Variants in XYLT1 observed in about 807,000 individuals in gnomAD.
XYLT1 encodes beta-D-xylosyltransferase 1.
XYLT1 carries 36 observed loss-of-function variants against 91.3 expected under a neutral mutation model. The ratio of observed to expected loss-of-function variants is 0.39; its 90% CI spans 0.30 to 0.52. The LOEUF is 0.52. Among genes scored for constraint, XYLT1 ranks in the 20% least tolerant of loss-of-function variants. XYLT1 has a pLI of 0.68. For missense variants in XYLT1, 1,242 were observed against 1,284.5 expected (o/e 0.97, Z 0.51); for synonymous variants, 588 against 532.0 (o/e 1.11, Z -1.45).
chr16:17,233,280 C>T (rs2033195939), intron 3 of XYLT1, among the ~76,000 whole-genome samples: 1 of 152,130 alleles, frequency 6.6e-6, no homozygotes, highest in South Asian at 2.1e-4. Context: ...GGAGGTGGCA[C>T]CAGAAGACAA....
intron 3 of XYLT1, among the ~76,000 whole-genome samples, chr16:17,237,612 G>A (rs941882011): frequency 1.3e-5 from 2 of 152,216 alleles, no homozygotes; most frequent in Admixed American, 6.5e-5. Flanking sequence ...CCTGAGAGAC[G>A]CAGCGGTGTA....
intron 2 of XYLT1, among the ~76,000 whole-genome samples, chr16:17,260,629 G>A (rs1181923520): frequency 6.6e-6 from 1 of 152,166 alleles, no homozygotes; most frequent in African/African-American, 2.4e-5. Context: ...CCCTCAGCAA[G>A]GCTCCCACCC....
chr16:17,122,144 G>A (rs1052660622), intron 10 of XYLT1, among the ~76,000 whole-genome samples: 8 of 152,176 alleles, frequency 5.3e-5, no homozygotes, highest in Non-Finnish European at 1.2e-4. Flanking sequence ...TGGATCAAAT[G>A]GTAGAACTAC....
Position 17,287,240 on chromosome 16 carries a change from C to T in XYLT1, c.403-27742G>A, listed in dbSNP as rs534034997. 2.6e-5 allele frequency among the ~76,000 whole-genome samples: 4 copies of T among 152,202 alleles called. No individual in the cohort carries two copies. The East Asian group carries it at 5.8e-4, about 22-fold the overall frequency. The stretch of plus-strand genomic sequence containing the variant: ...AGATGCTCCATCACCCACTCAGACA[C>T]CACTCCCCCTCTTTTTTTTTAATCC... On this transcript the variant is annotated intron_variant, in intron 2 of 11. Coordinates refer to ENST00000261381, the MANE Select transcript of XYLT1 (RefSeq NM_022166.4).
chr16:17,232,235 TATATGTA>T (rs1057345841), intron 3 of XYLT1, among the ~76,000 whole-genome samples: 11 of 98,492 alleles, frequency 1.1e-4, no homozygotes, highest in African/African-American at 4.8e-4. Context: ...CATATTTGAT[TATATGTA>T]ATATATTATA....
chr16:17,468,802 T>A (rs144785676), intron 1 of XYLT1, among the ~76,000 whole-genome samples: 1 of 152,008 alleles, frequency 6.6e-6, no homozygotes, highest in Non-Finnish European at 1.5e-5. Flanking sequence ...TCCCCCACCA[T>A]GTCTCCCCTA....
At chr16:17,303,216 G>A (rs1282828214) in intron 2 of XYLT1, among the ~76,000 whole-genome samples, 4 of 152,190 alleles carry the variant, frequency 2.6e-5, no homozygotes, top group African/African-American at 9.7e-5. Context: ...TAGTTCAGGG[G>A]TTGGCAAACT....
chr16:17,302,208 ATAC>A (rs200286825), intron 2 of XYLT1, among the ~76,000 whole-genome samples: 34 of 151,722 alleles, frequency 2.2e-4, no homozygotes, highest in South Asian at 6.3e-4. Context: ...CGATCTCAAA[ATAC>A]TACTACTACT....
At chr16:17,336,927 T>C (rs868171825) in intron 2 of XYLT1, among the ~76,000 whole-genome samples, 1 of 152,314 alleles carries the variant, frequency 6.6e-6, no homozygotes. Context: ...ACCATTTTTT[T>C]AAAAGCCCTT....
In XYLT1 at chr16:17,454,682, A is replaced by G. The variant is rs1031274267; in HGVS notation, c.363+15752T>C. Among the ~76,000 whole-genome samples the G allele has an allele frequency of 7.2e-5, 11 of 152,050 alleles. No individual in the cohort carries two copies. In the East Asian group the frequency reaches 2.1e-3, roughly 29 times the overall value. On this transcript the variant is annotated intron_variant, in intron 1 of 11. Transcript: ENST00000261381. ...CACCTGAGTAGCTGGGATTACAGGC[A>G]TCAACCACCACACCCAGCTATTTTT...
At position 17,402,146 on chromosome 16, in the gene XYLT1, A is replaced by AAC. The variant is rs200539915; in HGVS notation, c.364-44098_364-44097dup. ...AAGCCCTGTTTCTACAAAAAAAAAA[A>AAC]ACACACACACACACACACAAAAAGT... On this transcript the variant is annotated intron_variant, in intron 1 of 11. Transcript: ENST00000261381. Among the ~76,000 whole-genome samples the AAC allele has an allele frequency of 1.1e-3, 141 of 132,824 alleles. 1 individual carries two copies. In the East Asian group the frequency reaches 0.013, roughly 12 times the overall value. The allele number at this position is 132,824 out of a possible 152,430, so 87.1% of individuals were successfully genotyped here.
chr16:17,464,197 T>C (rs1189327350), intron 1 of XYLT1, among the ~76,000 whole-genome samples: 1 of 151,922 alleles, frequency 6.6e-6, no homozygotes, highest in Non-Finnish European at 1.5e-5. Flanking sequence ...TATTTCAAAA[T>C]AGCTAGAAGA....
intron 3 of XYLT1, among the ~76,000 whole-genome samples, chr16:17,252,558 C>T (rs1198484647): frequency 1.3e-5 from 2 of 152,202 alleles, no homozygotes; most frequent in East Asian, 1.9e-4. Context: ...CTCTTCCCCT[C>T]GTGAAAACAG....
Position 17,109,002 on chromosome 16 carries a change from A to T in XYLT1, c.2573T>A (p.Leu858Gln). 2 of 1,521,028 alleles carry T rather than the reference A, an allele frequency of 1.3e-6. No individual in the cohort carries two copies. The highest frequency in any genetic ancestry group is 1.8e-6 in the Non-Finnish European group (2 of 1,129,822). 94.2% of individuals were successfully genotyped at this position (1,521,028 alleles called of 1,614,324 possible). Residue 858 changes from leucine to glutamine, a missense_variant, in exon 12 of 12, where the codon CTG becomes CAG. Leu to Gln is a moderately radical substitution (Grantham distance 113, BLOSUM62 -2). Transcript: ENST00000261381. Reference protein sequence around the residue: ...QPIKPEEALKLHNGPLRNAYM... With the variant: ...QPIKPEEALKQHNGPLRNAYM... ...GGCATTGCGGAGGGGCCCATTGTGC[A>T]GCTTCAGTGCCTCCTCTGAAAGCCA... is the stretch of plus-strand genomic sequence containing the variant.
At chr16:17,188,358 T>C (rs1242459799) in intron 5 of XYLT1, among the ~76,000 whole-genome samples, 1 of 152,198 alleles carries the variant, frequency 6.6e-6, no homozygotes, top group Non-Finnish European at 1.5e-5. Context: ...ACATCTCAAG[T>C]GCCCACATGG....
intron 5 of XYLT1, among the ~76,000 whole-genome samples, chr16:17,197,022 T>C (rs867444243): frequency 8.4e-6 from 1 of 119,278 alleles, no homozygotes; most frequent in Non-Finnish European, 1.7e-5. Context: ...AAAATATATA[T>C]ATATATATAG....
chr16:17,408,062 A>G (rs559733181), intron 1 of XYLT1, among the ~76,000 whole-genome samples: 2 of 152,312 alleles, frequency 1.3e-5, no homozygotes, highest in East Asian at 3.9e-4. Context: ...CTAATCTTGA[A>G]CTTACCAGCC....
intron 2 of XYLT1, among the ~76,000 whole-genome samples, chr16:17,340,873 A>C (rs567298406): frequency 7.0e-4 from 106 of 152,350 alleles, no homozygotes; most frequent in Non-Finnish European, 1.2e-4. Context: ...CAGAATCCTG[A>C]AAAATGGAGC....
At chr16:17,377,814 T>C (rs1190815727) in intron 1 of XYLT1, among the ~76,000 whole-genome samples, 1 of 152,080 alleles carries the variant, frequency 6.6e-6, no homozygotes, top group African/African-American at 2.4e-5. Context: ...GGGGAGGGTG[T>C]ACAAGCAGCT....
Sources: allele counts gnomAD v4.1 joint callset (sites outside exome capture counted in the v4.1 genomes callset), GRCh38; gene constraint gnomAD v4.1.1; transcripts MANE v1.5; gene names NCBI Gene and HGNC (gene_info 2026-07-23, HGNC 2026-07-21).